Variants in GPR39 observed in about 807,000 individuals in gnomAD.
GPR39 encodes zinc sensing receptor.
A neutral mutation model predicts 18.4 loss-of-function variants in GPR39; 23 were observed. The observed-to-expected ratio is 1.25, with a 90% CI of 0.90 to 1.77. The LOEUF (loss-of-function observed/expected upper bound fraction) is 1.77, where lower values mean the gene tolerates loss of function less well. GPR39 is among the 40% of genes most tolerant of loss of function. The pLI is 0.00. For synonymous variants in GPR39, 280 were observed against 257.9 expected, an observed-to-expected ratio of 1.09 and a Z score of -0.82; for missense variants, 647 against 602.4, an observed-to-expected ratio of 1.07 and a Z score of -0.78.
intron 1 of GPR39, among the ~76,000 whole-genome samples, chr2:132,594,500 G>A (rs4954347): frequency 0.45 from 67,755 of 151,592 alleles, 15,509 homozygotes; most frequent in East Asian, 0.62. Flanking sequence ...CCCTCTGGGC[G>A]TAGAAATTGA....
At chr2:132,524,958 A>G (rs959648918) in intron 1 of GPR39, among the ~76,000 whole-genome samples, 3 of 152,150 alleles carry the variant, frequency 2.0e-5, no homozygotes, top group African/African-American at 4.8e-5. Flanking sequence ...CTCAAGCCTG[A>G]CAGGACCATG....
chr2:132,438,309 T>C (rs190446409), intron 1 of GPR39, among the ~76,000 whole-genome samples: 134 of 152,296 alleles, frequency 8.8e-4, no homozygotes, highest in Non-Finnish European at 1.6e-3. Context: ...TTGTTGTTGT[T>C]TGTTTTTAGA....
rs1250257378 is a variant in GPR39 at position 132,581,047 on chromosome 2, TA to T, written c.857-64042del. Among the ~76,000 whole-genome samples the T allele has an allele frequency of 2.2e-3, 311 of 139,550 alleles. 1 individual carries two copies. The highest frequency in any genetic ancestry group is 0.019 in the Middle Eastern group (5 of 268). 91.6% of individuals were successfully genotyped at this position (139,550 alleles called of 152,430 possible). A position where few individuals can be genotyped will look rare whatever the true frequency, so the allele number is the denominator to read the frequency against. ...TTCTCTTTTGTGGTAGTATAAAGAT[TA>T]AAAAAAAAAAAGCATTACTGTGTCT... On this transcript the variant is annotated intron_variant, in intron 1 of 1. Coordinates refer to ENST00000329321, the MANE Select transcript of GPR39 (RefSeq NM_001508.3).
chr2:132,499,718 G>A (rs1480147098), intron 1 of GPR39, among the ~76,000 whole-genome samples: 1 of 152,042 alleles, frequency 6.6e-6, no homozygotes, highest in Non-Finnish European at 1.5e-5. Context: ...GTTTCCGTTT[G>A]TTTGTGTTGT....
chr2:132,589,854 G>A (rs2104830730), intron 1 of GPR39, among the ~76,000 whole-genome samples: 1 of 152,324 alleles, frequency 6.6e-6, no homozygotes, highest in East Asian at 1.9e-4. Flanking sequence ...CTATCTCAGT[G>A]ATGAGTTTGA....
chr2:132,550,359 G>A (rs1680021501), intron 1 of GPR39, among the ~76,000 whole-genome samples: 4 of 152,194 alleles, frequency 2.6e-5, no homozygotes, highest in Admixed American at 2.0e-4. Context: ...CCGAGTCTTT[G>A]GATACAAGGA....
chr2:132,538,774 A>T (rs987269203), intron 1 of GPR39, among the ~76,000 whole-genome samples: 3 of 152,198 alleles, frequency 2.0e-5, no homozygotes, highest in Non-Finnish European at 4.4e-5. Context: ...CGTGAGGAAG[A>T]ATCTAGAGAA....
intron 1 of GPR39, among the ~76,000 whole-genome samples, chr2:132,546,133 G>A (rs2104790250): frequency 6.6e-6 from 1 of 152,300 alleles, no homozygotes; most frequent in Admixed American, 6.5e-5. Flanking sequence ...GTTGGTGAGT[G>A]GAGAAAAATG....
intron 1 of GPR39, among the ~76,000 whole-genome samples, chr2:132,642,404 A>C (rs1175329064): frequency 2.6e-5 from 4 of 152,188 alleles, no homozygotes; most frequent in African/African-American, 4.8e-5. Flanking sequence ...GCTACAAACA[A>C]CACCACAACT....
intron 1 of GPR39, among the ~76,000 whole-genome samples, chr2:132,628,695 C>T (rs1160790976): frequency 6.6e-6 from 1 of 152,004 alleles, no homozygotes; most frequent in Non-Finnish European, 1.5e-5. Context: ...TTCTAAGTAC[C>T]CTTACCCTAA....
intron 1 of GPR39, among the ~76,000 whole-genome samples, chr2:132,454,578 T>G (rs936669154): frequency 3.3e-5 from 5 of 152,212 alleles, no homozygotes; most frequent in African/African-American, 1.2e-4. Context: ...AAGGGAATAC[T>G]TCCAGTTTTT....
intron 1 of GPR39, among the ~76,000 whole-genome samples, chr2:132,570,886 T>C (rs1176661486): frequency 6.6e-6 from 1 of 152,138 alleles, no homozygotes; most frequent in Non-Finnish European, 1.5e-5. Flanking sequence ...TTAGCTAAGT[T>C]TCTTAACTCT....
At chr2:132,549,285 C>T (rs1680000052) in intron 1 of GPR39, among the ~76,000 whole-genome samples, 1 of 152,148 alleles carries the variant, frequency 6.6e-6, no homozygotes, top group South Asian at 2.1e-4. Context: ...CCAGAGCATA[C>T]CACACCCCAA....
chr2:132,605,514 C>T (rs934600781), intron 1 of GPR39, among the ~76,000 whole-genome samples: 1 of 152,208 alleles, frequency 6.6e-6, no homozygotes, highest in East Asian at 1.9e-4. Context: ...CACGTCTGCT[C>T]ACTTTCTCTC....
At position 132,456,304 on chromosome 2, in the gene GPR39, C is replaced by CT. The variant is rs55848082; in HGVS notation, c.856+38421dup. Among the ~76,000 whole-genome samples, 567 of 142,936 alleles carry CT rather than the reference C, an allele frequency of 4.0e-3. 3 individuals carry two copies. The highest frequency in any genetic ancestry group is 0.013 in the African/African-American group (498 of 38,802). 93.8% of individuals were successfully genotyped at this position (142,936 alleles called of 152,430 possible). On this transcript the variant is annotated intron_variant, in intron 1 of 1. Transcript: ENST00000329321. ...TCAGAGATTAGGATTGCAACCCCTGCTTTTTTTTTTTTTTTCCATTTGCTT... is the reference window on the plus strand; with the variant it reads ...TCAGAGATTAGGATTGCAACCCCTGCTTTTTTTTTTTTTTTTCCATTTGCTT...
At chr2:132,628,909 G>A (rs1681600753) in intron 1 of GPR39, among the ~76,000 whole-genome samples, 1 of 152,170 alleles carries the variant, frequency 6.6e-6, no homozygotes, top group Admixed American at 6.5e-5. Flanking sequence ...TACTAGGCAT[G>A]TGCTGGAACA....
chr2:132,631,709 T>C (rs1681652317), intron 1 of GPR39, among the ~76,000 whole-genome samples: 2 of 152,232 alleles, frequency 1.3e-5, no homozygotes. Flanking sequence ...ATTTATTTTC[T>C]AATTTATTTT....
intron 1 of GPR39, among the ~76,000 whole-genome samples, chr2:132,573,282 C>T (rs1680474423): frequency 6.6e-6 from 1 of 152,192 alleles, no homozygotes; most frequent in Non-Finnish European, 1.5e-5. Flanking sequence ...CTCTATTTTT[C>T]CCTCTGTGGC....
chr2:132,593,326 G>A (rs945956493), intron 1 of GPR39, among the ~76,000 whole-genome samples: 2 of 152,076 alleles, frequency 1.3e-5, no homozygotes, highest in Admixed American at 6.6e-5. Context: ...CATGTGTGCC[G>A]AAGTCCCAAC....
Sources: allele counts gnomAD v4.1 joint callset (sites outside exome capture counted in the v4.1 genomes callset), GRCh38; gene constraint gnomAD v4.1.1; transcripts MANE v1.5; gene names NCBI Gene and HGNC (gene_info 2026-07-23, HGNC 2026-07-21).